The following TAOK3 variants were observed in gnomAD, a reference collection of about 807,000 sequenced individuals.
TAOK3 encodes TAO kinase 3.
TAOK3 carries 40 observed loss-of-function variants against 120.4 expected under a neutral mutation model. The ratio of observed to expected loss-of-function variants is 0.33; its 90% CI spans 0.26 to 0.43. The LOEUF is 0.43. Ranked by LOEUF, TAOK3 falls within the 20% of genes least tolerant of loss-of-function variation. TAOK3 has a pLI of 1.00. For synonymous variants in TAOK3, 355 were observed against 387.5 expected (o/e 0.92, Z 0.99); for missense variants, 821 against 1,112.1 (o/e 0.74, Z 3.72).
At chr12:118,305,279 A>C (rs199918808) in intron 1 of TAOK3, among the ~76,000 whole-genome samples, 1 of 152,064 alleles carries the variant, frequency 6.6e-6, no homozygotes, top group African/African-American at 2.4e-5. Context: ...TCAGGAGTTC[A>C]AGACCAGCCT....
intron 3 of TAOK3, among the ~76,000 whole-genome samples, chr12:118,247,476 C>CATAT (rs780142969): frequency 2.0e-5 from 3 of 150,920 alleles, no homozygotes; most frequent in East Asian, 1.9e-4. Flanking sequence ...TCAAGATATA[C>CATAT]ATATATATAT....
chr12:118,152,648 G>A (rs530705322), intron 19 of TAOK3: 15 of 453,404 alleles, frequency 3.3e-5, no homozygotes, highest in East Asian at 2.4e-4. Context: ...AGCAGCAGGC[G>A]TCAGGAAGGC....
intron 1 of TAOK3, among the ~76,000 whole-genome samples, chr12:118,281,108 G>A (rs1234264232): frequency 3.3e-5 from 5 of 152,148 alleles, no homozygotes; most frequent in African/African-American, 1.2e-4. Context: ...GAGGCTATGC[G>A]GTTTTCTAGG....
intron 1 of TAOK3, among the ~76,000 whole-genome samples, chr12:118,302,993 A>G (rs757348822): frequency 1.3e-5 from 2 of 152,178 alleles, no homozygotes; most frequent in African/African-American, 2.4e-5. Context: ...CAAATATACT[A>G]CTAAACACCC....
At chr12:118,192,204 T>A (rs1476140650) in intron 13 of TAOK3, among the ~76,000 whole-genome samples, 1 of 152,198 alleles carries the variant, frequency 6.6e-6, no homozygotes, top group East Asian at 1.9e-4. Context: ...TTTACTAAAC[T>A]TGAGGAAGTT....
At chr12:118,315,555 G>T (rs548303483) in intron 1 of TAOK3, among the ~76,000 whole-genome samples, 7 of 152,224 alleles carry the variant, frequency 4.6e-5, no homozygotes, top group African/African-American at 1.4e-4. Flanking sequence ...GGATGGAAAA[G>T]AATGGAATTG....
At chr12:118,258,099 A>G (rs574914809) in intron 2 of TAOK3, among the ~76,000 whole-genome samples, 1 of 152,316 alleles carries the variant, frequency 6.6e-6, no homozygotes, top group Non-Finnish European at 1.5e-5. Flanking sequence ...TAGGGAAAAT[A>G]AAATTAGTTC....
rs982025604 is a variant in TAOK3, at chr12:118,239,255, G to A, written c.312C>T (p.Cys104=). ...CTAATAAATCAGAGGCTGAGCCTAA[G>A]CAATATTCCATCACCAACTATAAGA... The part of the protein sequence containing the change: ...EHTAWLVMEY[C]LGSASDLLEV... The change falls in exon 6 of 21, where the codon TGC becomes TGT. Residue 104 remains cysteine (C), a synonymous_variant. Transcript: ENST00000392533. The A allele has an allele frequency of 1.3e-6, 2 of 1,544,474 alleles. No homozygotes were observed. Among genetic ancestry groups the A allele is most frequent in the South Asian group, 1.1e-5 (1 of 89,044 alleles).
intron 1 of TAOK3, among the ~76,000 whole-genome samples, chr12:118,311,619 AT>A (rs10711332): frequency 0.78 from 116,613 of 149,710 alleles, 45,387 homozygotes; most frequent in East Asian, 0.91. Flanking sequence ...GAGTTGAATA[AT>A]TTTTTTTTTT....
At chr12:118,329,244 G>C (rs984351709) in intron 1 of TAOK3, among the ~76,000 whole-genome samples, 1 of 152,138 alleles carries the variant, frequency 6.6e-6, no homozygotes, top group African/African-American at 2.4e-5. Flanking sequence ...AACTCTACAT[G>C]ATGTTTCCTG....
chr12:118,269,121 CTCTT>C (rs971733750), intron 1 of TAOK3, among the ~76,000 whole-genome samples: 5 of 151,772 alleles, frequency 3.3e-5, no homozygotes, highest in South Asian at 2.1e-4. Flanking sequence ...AGTTTTCTTT[CTCTT>C]TCTTTCTTTC....
chr12:118,292,139 T>C (rs1408352108), intron 1 of TAOK3, among the ~76,000 whole-genome samples: 3 of 152,168 alleles, frequency 2.0e-5, no homozygotes, highest in African/African-American at 7.2e-5. Flanking sequence ...TGCTATACAA[T>C]ATTTTTTCCC....
chr12:118,316,832 C>G (rs1285480947), intron 1 of TAOK3, among the ~76,000 whole-genome samples: 2 of 152,046 alleles, frequency 1.3e-5, no homozygotes, highest in African/African-American at 4.8e-5. Context: ...AGTTGTATTT[C>G]TATATACTGG....
chr12:118,311,925 G>A (rs1442106723), intron 1 of TAOK3, among the ~76,000 whole-genome samples: 1 of 152,084 alleles, frequency 6.6e-6, no homozygotes, highest in East Asian at 1.9e-4. Context: ...GATGTGGGGA[G>A]AAAAATAAAA....
chr12:118,151,760 T>C (rs940509610), intron 20 of TAOK3, among the ~76,000 whole-genome samples: 2 of 152,236 alleles, frequency 1.3e-5, no homozygotes, highest in Non-Finnish European at 2.9e-5. Context: ...AATATTTCAG[T>C]TGGGATAACA....
At chr12:118,300,208 G>A (rs1287737648) in intron 1 of TAOK3, among the ~76,000 whole-genome samples, 1 of 152,154 alleles carries the variant, frequency 6.6e-6, no homozygotes, top group Non-Finnish European at 1.5e-5. Context: ...GTACTCACGT[G>A]TTCATCTGAA....
intron 1 of TAOK3, among the ~76,000 whole-genome samples, chr12:118,272,531 T>C (rs2041751046): frequency 6.6e-6 from 1 of 152,118 alleles, no homozygotes; most frequent in African/African-American, 2.4e-5. Flanking sequence ...TCAGTATTAA[T>C]AAAGTAAATA....
At chr12:118,350,784 T>G (rs1443461742) in intron 1 of TAOK3, among the ~76,000 whole-genome samples, 1 of 143,180 alleles carries the variant, frequency 7.0e-6, no homozygotes, top group South Asian at 2.2e-4. Flanking sequence ...CGCTTGAACC[T>G]GGGAGGTGGA....
At position 118,372,109 on chromosome 12, in the gene TAOK3, C is replaced by T. The variant is rs1182528583; in HGVS notation, c.-194+539G>A. ...CCTGTCTTCACATCCCCTGACCGGT[C>T]CCCTCTCTTTACTCTGTCCTGGATT... is the stretch of plus-strand genomic sequence containing the variant. On this transcript the variant is annotated intron_variant, in intron 1 of 20. Coordinates refer to ENST00000392533, the MANE Select transcript of TAOK3 (RefSeq NM_016281.4). This position sits in a 1 kb window ranked among gnomAD's most constrained non-coding sequence, Gnocchi z 4.6. 6.6e-6 allele frequency among the ~76,000 whole-genome samples: 1 copy of T among 151,976 alleles called. No homozygotes were observed.
Sources: gnomAD v4.1 joint callset for allele counts (sites outside exome capture counted in the v4.1 genomes callset) on GRCh38, gnomAD v4.1.1 for gene constraint, Gnocchi (gnomAD v3.1) non-coding constraint, MANE v1.5 for transcripts, NCBI Gene and HGNC (gene_info 2026-07-23, HGNC 2026-07-21) for gene names.